Variants in FBXO25 observed in about 807,000 individuals in gnomAD.
FBXO25 encodes F-box only protein 25.
FBXO25 carries 45 observed loss-of-function variants against 51.9 expected under a neutral mutation model. The ratio of observed to expected loss-of-function variants is 0.87; its 90% CI spans 0.68 to 1.11. The LOEUF (loss-of-function observed/expected upper bound fraction) is 1.11. FBXO25 is among the 50% of genes most tolerant of loss of function. The probability of loss-of-function intolerance (pLI) is 0.00; values close to 1 mark genes in which losing one functional copy is unlikely to be tolerated. For missense variants in FBXO25, 507 were observed against 428.5 expected (o/e 1.18, Z -1.62); for synonymous variants, 199 against 151.0 (o/e 1.32, Z -2.33).
chr8:439,124 G>C, intron 5 of FBXO25, among the ~76,000 whole-genome samples: 1 of 152,248 alleles, frequency 6.6e-6, no homozygotes, highest in Non-Finnish European at 1.5e-5. Flanking sequence ...GCTGTCTGGA[G>C]GAAGTAGAAC....
At chr8:437,670 A>G (rs1228548808) in intron 5 of FBXO25, among the ~76,000 whole-genome samples, 1 of 151,734 alleles carries the variant, frequency 6.6e-6, no homozygotes, top group African/African-American at 2.4e-5. Context: ...CCATGTCCCC[A>G]TCCCAATTCT....
At chr8:418,812 A>T (rs570137655) in intron 2 of FBXO25, among the ~76,000 whole-genome samples, 1 of 152,214 alleles carries the variant, frequency 6.6e-6, no homozygotes, top group African/African-American at 2.4e-5. Context: ...TGGGAAGGGA[A>T]AGATTTTTTC....
intron 2 of FBXO25, among the ~76,000 whole-genome samples, chr8:415,143 A>C (rs1009667763): frequency 3.3e-5 from 5 of 152,224 alleles, no homozygotes; most frequent in African/African-American, 1.2e-4. Context: ...AGTACTCCTA[A>C]TTCTTTGATT....
At chr8:464,944 T>G (rs867507015) in intron 9 of FBXO25, among the ~76,000 whole-genome samples, 7 of 152,226 alleles carry the variant, frequency 4.6e-5, no homozygotes, top group Non-Finnish European at 8.8e-5. Context: ...GCAGGGAACA[T>G]CTTGATTCCA....
chr8:424,549 AG>A (rs1797353833), intron 2 of FBXO25, among the ~76,000 whole-genome samples: 1 of 152,312 alleles, frequency 6.6e-6, no homozygotes, highest in East Asian at 1.9e-4. Context: ...ATATGCTGAA[AG>A]GTAGGGGTCT....
chr8:428,788 A>G (rs1797646498), intron 2 of FBXO25, among the ~76,000 whole-genome samples: 1 of 152,218 alleles, frequency 6.6e-6, no homozygotes, highest in African/African-American at 2.4e-5. Flanking sequence ...AAGTCAAATC[A>G]GACAGTATGT....
At position 474,434 on chromosome 8, in the gene FBXO25, CAT is replaced by C. The variant is rs1345018196; in HGVS notation, c.*5633_*5634del. The C allele has an allele frequency of 6.7e-6, 2 of 297,302 alleles. No homozygotes were observed. The highest frequency in any genetic ancestry group is 4.5e-5 in the African/African-American group (2 of 44,202). 18.4% of individuals were successfully genotyped at this position (297,302 alleles called of 1,614,324 possible). ...AAATATCTGAGTCTCTGCTTTCAAT[CAT>C]ATGGCAATCCTATGTTTAATTTCTT... On this transcript the variant is annotated 3_prime_UTR_variant, in exon 10 of 10. Transcript: ENST00000350302.
Position 474,966 on chromosome 8 carries a change from T to C in FBXO25, c.*6162T>C, listed in dbSNP as rs546850177. The C allele has an allele frequency of 2.4e-6, 1 of 408,556 alleles. No homozygotes were observed. Among genetic ancestry groups the C allele is most frequent in the African/African-American group, 2.1e-5 (1 of 47,822 alleles). The allele number at this position is 408,556 out of a possible 1,614,324, so 25.3% of individuals were successfully genotyped here. A position where few individuals can be genotyped will look rare whatever the true frequency, so the allele number is the denominator to read the frequency against. On this transcript the variant is annotated 3_prime_UTR_variant, in exon 10 of 10. Coordinates refer to ENST00000350302, the MANE Select transcript of FBXO25 (RefSeq NM_183420.2). ...TTGCCTTTCACTCTGTTTTGTTCTT[T>C]GATGTACAGAAGTTGTTTCTTTCTT... is the stretch of plus-strand genomic sequence containing the variant.
In FBXO25 at chr8:476,826, T is replaced by C. The variant is rs542538192; in HGVS notation, c.*8022T>C. On this transcript the variant is annotated 3_prime_UTR_variant, in exon 10 of 10. Transcript: ENST00000350302. ...GCTCTAATCTTTATTATTATTATAA[T>C]CATCTCCATTCTGCTGGCTTTGGGT... 2.0e-5 allele frequency: 2 copies of C among 99,948 alleles called. No homozygotes were observed. The highest frequency in any genetic ancestry group is 5.2e-4 in the South Asian group (2 of 3,878). The allele number at this position is 99,948 out of a possible 1,614,324, so 6.2% of individuals were successfully genotyped here.
intron 7 of FBXO25, 57 bp downstream of exon 7, chr8:451,510 T>C (rs1799093136): frequency 7.3e-6 from 11 of 1,503,692 alleles, no homozygotes; most frequent in Non-Finnish European, 8.2e-6. Context: ...ACAGAAGTTA[T>C]CTTTTCTAAG....
intron 5 of FBXO25, among the ~76,000 whole-genome samples, chr8:442,670 G>T (rs3857918): frequency 6.6e-6 from 1 of 151,618 alleles, no homozygotes; most frequent in African/African-American, 2.4e-5. Flanking sequence ...GGGTTTTGCC[G>T]TATGGGTCAG....
At position 451,427 on chromosome 8, in the gene FBXO25, C is replaced by G. The variant is rs1799083856; in HGVS notation, c.634C>G (p.Gln212Glu). ...AGAAACTATTCTCGCCTGGCAACAA[C>G]AGCTACAGGATCTTCAGATGACTAA... is the stretch of plus-strand genomic sequence containing the variant. The part of the protein sequence containing the change: ...RLETILAWQQ[Q>E]LQDLQMTKQV... Residue 212 changes from glutamine to glutamate, a missense_variant, in exon 7 of 10, where the codon CAG becomes GAG. By Grantham distance (29) the Gln-to-Glu change is conservative (BLOSUM62 2). Transcript: ENST00000350302. 6.2e-7 allele frequency: 1 copy of G among 1,613,880 alleles called. No homozygotes were observed. Among genetic ancestry groups the G allele is most frequent in the Non-Finnish European group, 8.5e-7 (1 of 1,179,922 alleles).
At chr8:460,701 G>C (rs1181966605) in intron 8 of FBXO25, among the ~76,000 whole-genome samples, 1 of 152,098 alleles carries the variant, frequency 6.6e-6, no homozygotes, top group Non-Finnish European at 1.5e-5. Context: ...GTCACACACA[G>C]TCAGTGAGAA....
At position 429,123 on chromosome 8, in the gene FBXO25, T is replaced by G. The variant is rs757768248; in HGVS notation, c.135-2218T>G. ...TTTTTTGAAGAACCTCCATACTGTT[T>G]CCTATAGTAGCTATACCATCCTCCA... On this transcript the variant is annotated intron_variant, in intron 2 of 9. Coordinates refer to ENST00000350302, the MANE Select transcript of FBXO25 (RefSeq NM_183420.2). Among the ~76,000 whole-genome samples the G allele has an allele frequency of 3.3e-5, 5 of 152,212 alleles. No individual in the cohort carries two copies. In the East Asian group the frequency reaches 5.8e-4, roughly 18 times the overall value.
chr8:432,675 G>T (rs935407649), intron 3 of FBXO25, among the ~76,000 whole-genome samples: 3 of 152,098 alleles, frequency 2.0e-5, no homozygotes, highest in African/African-American at 7.2e-5. Context: ...TAAGTTACTA[G>T]GACTTGGTAC....
At chr8:442,886 C>T (rs1180469528) in intron 5 of FBXO25, among the ~76,000 whole-genome samples, 24 of 152,146 alleles carry the variant, frequency 1.6e-4, no homozygotes, top group Non-Finnish European at 3.1e-4. Context: ...TCCTAATTGT[C>T]GATCCAAGAA....
chr8:422,160 A>G (rs111980563), intron 2 of FBXO25, among the ~76,000 whole-genome samples: 1,612 of 152,284 alleles, frequency 0.011, 18 homozygotes, highest in Non-Finnish European at 0.017. Flanking sequence ...TCTCCCCCCA[A>G]ATAGCTATTC....
rs574311948 is a variant in FBXO25, at chr8:469,950, A to T, written c.*1146A>T. 6.6e-6 allele frequency: 1 copy of T among 152,200 alleles called. No individual in the cohort carries two copies. Among genetic ancestry groups the T allele is most frequent in the Non-Finnish European group, 1.5e-5 (1 of 68,034 alleles). The allele number at this position is 152,200 out of a possible 1,614,324, so 9.4% of individuals were successfully genotyped here. A position where few individuals can be genotyped will look rare whatever the true frequency, so the allele number is the denominator to read the frequency against. On this transcript the variant is annotated 3_prime_UTR_variant, in exon 10 of 10. Transcript: ENST00000350302. ...GACACAAATGGCCAAGAATGCATTTATTTGTCAAATTATAGTTTCTCCTGA... is the reference window on the plus strand; with the variant it reads ...GACACAAATGGCCAAGAATGCATTTTTTTGTCAAATTATAGTTTCTCCTGA...
chr8:441,150 A>G (rs1382778461), intron 5 of FBXO25, among the ~76,000 whole-genome samples: 1 of 151,830 alleles, frequency 6.6e-6, no homozygotes, highest in African/African-American at 2.4e-5. Flanking sequence ...ACAGCATGAT[A>G]CTGGTACCAA....
Sources: allele counts gnomAD v4.1 joint callset (sites outside exome capture counted in the v4.1 genomes callset), GRCh38; gene constraint gnomAD v4.1.1; transcripts MANE v1.5; gene names NCBI Gene and HGNC (gene_info 2026-07-23, HGNC 2026-07-21).